MECOM: variants seen among roughly 807,000 people sequenced by gnomAD.
MECOM encodes the protein MDS1 and EVI1 complex locus.
Under a neutral mutation model 116.3 loss-of-function variants are expected in MECOM, and 13 were observed. The observed-to-expected ratio is 0.11, with a 90% CI of 0.07 to 0.18. The LOEUF (loss-of-function observed/expected upper bound fraction) is 0.18. Ranked by LOEUF, MECOM falls within the 10% of genes least tolerant of loss-of-function variation. The pLI is 1.00. For missense variants in MECOM, 1,299 were observed against 1,509.0 expected (o/e 0.86, Z 2.31); for synonymous variants, 528 against 535.2 (o/e 0.99, Z 0.19).
At chr3:169,380,042 T>C (rs1411216319) in intron 2 of MECOM, among the ~76,000 whole-genome samples, 1 of 152,150 alleles carries the variant, frequency 6.6e-6, no homozygotes, top group Non-Finnish European at 1.5e-5. Flanking sequence ...GAACAAGAAT[T>C]GCTTTTATTA....
At chr3:169,154,227 AACAC>A (rs574204860) in intron 2 of MECOM, among the ~76,000 whole-genome samples, 1 of 151,458 alleles carries the variant, frequency 6.6e-6, no homozygotes, top group Non-Finnish European at 1.5e-5. Flanking sequence ...CGAGGGTAGG[AACAC>A]ACACACACAC....
intron 2 of MECOM, among the ~76,000 whole-genome samples, chr3:169,255,165 T>G (rs1354865914): frequency 6.6e-6 from 1 of 152,180 alleles, no homozygotes; most frequent in African/African-American, 2.4e-5. Flanking sequence ...AGAAGTATAC[T>G]GCTTATAGGA....
chr3:169,577,906 A>G (rs1764701081), intron 1 of MECOM, among the ~76,000 whole-genome samples: 1 of 152,180 alleles, frequency 6.6e-6, no homozygotes, highest in Non-Finnish European at 1.5e-5. Context: ...TTGGAGAAAA[A>G]GTCAAAGCTA....
intron 3 of MECOM, among the ~76,000 whole-genome samples, chr3:169,141,211 G>GT (rs1738007380): frequency 6.6e-6 from 1 of 151,818 alleles, no homozygotes; most frequent in South Asian, 2.1e-4. Context: ...CTCAAATTCC[G>GT]TTTTTTTAGA....
rs796501224 is a variant in MECOM at position 169,490,168 on chromosome 3, A to G, written c.38-108644T>C. Among the ~76,000 whole-genome samples the G allele has an allele frequency of 4.0e-4, 61 of 152,362 alleles. 1 individual carries two copies. The highest frequency in any genetic ancestry group is 1.4e-3 in the African/African-American group (57 of 41,584). ...CATGCGCTTTAGAGTTTCAAAAATT[A>G]ATAAATCTGATAATACTAATCATTG... On this transcript the variant is annotated intron_variant, in intron 1 of 16. Transcript: ENST00000651503.
intron 2 of MECOM, among the ~76,000 whole-genome samples, chr3:169,264,868 T>A (rs1440280475): frequency 6.6e-6 from 1 of 152,176 alleles, no homozygotes; most frequent in African/African-American, 2.4e-5. Flanking sequence ...AAACTGCTGT[T>A]CAGGCAGCTG....
At chr3:169,376,098 T>A (rs895134338) in intron 2 of MECOM, among the ~76,000 whole-genome samples, 2 of 152,050 alleles carry the variant, frequency 1.3e-5, no homozygotes, top group African/African-American at 4.8e-5. Flanking sequence ...TCTCAATAGA[T>A]GCAAAAAAGG....
chr3:169,175,221 C>T (rs565536250), intron 2 of MECOM, among the ~76,000 whole-genome samples: 1 of 152,162 alleles, frequency 6.6e-6, no homozygotes, highest in African/African-American at 2.4e-5. Flanking sequence ...TTTAAGTCAC[C>T]CAATAGTCTT....
chr3:169,158,881 C>A (rs539488482), intron 2 of MECOM, among the ~76,000 whole-genome samples: 1 of 152,226 alleles, frequency 6.6e-6, no homozygotes, highest in African/African-American at 2.4e-5. Flanking sequence ...ATTATTCTCG[C>A]CCCCAAAATT....
intron 2 of MECOM, among the ~76,000 whole-genome samples, chr3:169,311,722 C>A (rs1577676096): frequency 1.3e-5 from 2 of 151,614 alleles, no homozygotes; most frequent in South Asian, 2.1e-4. Context: ...AATTACCTTT[C>A]TCTAAATTTT....
At chr3:169,537,800 A>G (rs1403586590) in intron 1 of MECOM, among the ~76,000 whole-genome samples, 1 of 152,174 alleles carries the variant, frequency 6.6e-6, no homozygotes, top group African/African-American at 2.4e-5. Context: ...AAAGTAAAAA[A>G]ATAAAACTTG....
At chr3:169,234,412 T>C (rs988605989) in intron 2 of MECOM, among the ~76,000 whole-genome samples, 3 of 149,364 alleles carry the variant, frequency 2.0e-5, no homozygotes, top group Non-Finnish European at 4.4e-5. Flanking sequence ...ATTGAGCAAA[T>C]GATGGAAAGA....
chr3:169,323,619 T>C (rs1721291188), intron 2 of MECOM, among the ~76,000 whole-genome samples: 1 of 152,182 alleles, frequency 6.6e-6, no homozygotes, highest in Non-Finnish European at 1.5e-5. Context: ...GTTTACCAAA[T>C]GTGACCACAG....
intron 2 of MECOM, among the ~76,000 whole-genome samples, chr3:169,216,202 C>T (rs894501170): frequency 4.6e-5 from 7 of 152,058 alleles, no homozygotes; most frequent in Admixed American, 6.6e-5. Flanking sequence ...TTCCAAATCC[C>T]GAATCTTTCT....
At chr3:169,361,270 A>C (rs1406090281) in intron 2 of MECOM, among the ~76,000 whole-genome samples, 2 of 151,874 alleles carry the variant, frequency 1.3e-5, no homozygotes, top group East Asian at 1.9e-4. Flanking sequence ...AGTCTTCAGC[A>C]AAAGAACCAT....
chr3:169,501,178 A>C (rs1446819954), intron 1 of MECOM, among the ~76,000 whole-genome samples: 1 of 152,014 alleles, frequency 6.6e-6, no homozygotes, highest in Non-Finnish European at 1.5e-5. Flanking sequence ...GGTAACTATA[A>C]GGTTTGCTTA....
chr3:169,585,842 T>C (rs769904982), intron 1 of MECOM, among the ~76,000 whole-genome samples: 5 of 152,208 alleles, frequency 3.3e-5, no homozygotes, highest in Non-Finnish European at 5.9e-5. Context: ...AATACACTTC[T>C]TGAGGGCTAT....
chr3:169,606,276 G>A (rs1768534401), intron 1 of MECOM, among the ~76,000 whole-genome samples: 1 of 151,948 alleles, frequency 6.6e-6, no homozygotes, highest in African/African-American at 2.4e-5. Flanking sequence ...AGCCAGGTGT[G>A]GTGGTGCATG....
intron 1 of MECOM, among the ~76,000 whole-genome samples, chr3:169,542,680 C>T (rs1440762153): frequency 6.6e-6 from 1 of 152,124 alleles, no homozygotes; most frequent in Non-Finnish European, 1.5e-5. Context: ...AACATTCAAA[C>T]AATGAGAGGC....
Sources: gnomAD v4.1 joint callset for allele counts (sites outside exome capture counted in the v4.1 genomes callset) on GRCh38, gnomAD v4.1.1 for gene constraint, MANE v1.5 for transcripts, NCBI Gene and HGNC (gene_info 2026-07-23, HGNC 2026-07-21) for gene names.